NCOR1: variants seen among roughly 807,000 people sequenced by gnomAD.
The protein encoded by NCOR1 is protein phosphatase 1, regulatory subunit 109.
Under a neutral mutation model 288.1 loss-of-function variants are expected in NCOR1, and 63 were observed. The observed-to-expected ratio is 0.22, with a 90% confidence interval of 0.18 to 0.27. The LOEUF is 0.27. NCOR1 is among the 10% of genes least tolerant of loss of function. NCOR1 has a pLI of 1.00. For synonymous variants in NCOR1, 1,007 were observed against 1,065.9 expected (o/e 0.94, Z 1.08); for missense variants, 2,397 against 3,019.2 (o/e 0.79, Z 4.83).
intron 2 of NCOR1, 81 bp from the exon 3 acceptor site, chr17:16,186,768 T>A: frequency 8.0e-7 from 1 of 1,251,728 alleles, no homozygotes; most frequent in Non-Finnish European, 1.1e-6. Context: ...TAAAGGTAGT[T>A]ATGGGCCACT....
At chr17:16,144,660 T>C (rs902002589) in intron 10 of NCOR1, among the ~76,000 whole-genome samples, 1 of 152,120 alleles carries the variant, frequency 6.6e-6, no homozygotes. Flanking sequence ...GTCCACAACA[T>C]AAAAATTCTT....
intron 40 of NCOR1, among the ~76,000 whole-genome samples, chr17:16,050,285 C>G (rs951877567): frequency 6.6e-6 from 1 of 151,520 alleles, no homozygotes; most frequent in Admixed American, 6.6e-5. Context: ...TGCAGTAGCA[C>G]GATCTTGGCT....
intron 3 of NCOR1, among the ~76,000 whole-genome samples, chr17:16,179,575 TC>T (rs1029456333): frequency 3.5e-4 from 53 of 152,142 alleles, no homozygotes; most frequent in African/African-American, 1.2e-3. Flanking sequence ...CCTAAACTCT[TC>T]CAAAAAATAG....
chr17:16,048,957 C>T lies in NCOR1; in HGVS notation c.6424G>A (p.Val2142Ile), dbSNP rs150237987. The change falls in exon 41 of 46, where the codon GTC (valine) becomes ATC (isoleucine). Residue 2142 changes from valine to isoleucine, a missense_variant. Physicochemically the swap from Val to Ile is conservative, Grantham distance 29 (BLOSUM62 3). Around this residue, in one of 11 missense-constraint regions of NCOR1, gnomAD observed 1,872 missense variants for 2,187.8 expected, o/e 0.86. Transcript: ENST00000268712. The part of the protein sequence containing the change: ...RPGKSPERSH[V>I]SSEPYEPISP... ...ATGGGCTCGTAGGGCTCCGAAGAGA[C>T]GTGACTCCTCTCTGGGGATTTTCCA... 7.4e-6 allele frequency: 12 copies of T among 1,611,564 alleles called. No homozygotes were observed. Among genetic ancestry groups the T allele is most frequent in the Non-Finnish European group, 1.0e-5 (12 of 1,178,464 alleles).
At chr17:16,078,238 G>A (rs2152800529) in intron 26 of NCOR1, among the ~76,000 whole-genome samples, 1 of 152,308 alleles carries the variant, frequency 6.6e-6, no homozygotes, top group Non-Finnish European at 1.5e-5. Flanking sequence ...ACTATACTCT[G>A]AGGACTGCTA....
At chr17:16,166,739 T>C (rs2082090722) in intron 4 of NCOR1, among the ~76,000 whole-genome samples, 1 of 150,620 alleles carries the variant, frequency 6.6e-6, no homozygotes, top group South Asian at 2.1e-4. Flanking sequence ...CCTTTTTTTC[T>C]CCCCCTCCCT....
chr17:16,125,693 C>T (rs546620513), intron 15 of NCOR1, among the ~76,000 whole-genome samples: 3 of 116,832 alleles, frequency 2.6e-5, no homozygotes, highest in Admixed American at 9.5e-5. Flanking sequence ...CAGAGCGAGA[C>T]GCCATCACAA....
intron 14 of NCOR1, among the ~76,000 whole-genome samples, chr17:16,135,937 A>AT (rs2153232912): frequency 6.6e-6 from 1 of 152,308 alleles, no homozygotes; most frequent in African/African-American, 2.4e-5. Flanking sequence ...ATGCTAATGA[A>AT]TCGTTGCAGT....
Position 16,080,464 on chromosome 17 carries a change from T to C in NCOR1, c.3344A>G (p.Gln1115Arg). 1 of 1,614,236 alleles carries C rather than the reference T, an allele frequency of 6.2e-7. No homozygotes were observed. The highest frequency in any genetic ancestry group is 8.5e-7 in the Non-Finnish European group (1 of 1,180,040). ...CAACAGACCCTCAGGTTGTGAGTTTTGGCTTCGGGGAGAAAATTCTTCCTG... is the reference window on the plus strand; with the variant it reads ...CAACAGACCCTCAGGTTGTGAGTTTCGGCTTCGGGGAGAAAATTCTTCCTG... ...IKQEEFSPRS[Q>R]NSQPEGLLVR... is the part of the protein sequence containing the mutation. Residue 1115 changes from glutamine (Q) to arginine (R), a missense_variant, in exon 25 of 46, where the codon CAA becomes CGA. Physicochemically the swap from Gln to Arg is conservative, Grantham distance 43. Coordinates refer to ENST00000268712, the MANE Select transcript of NCOR1 (RefSeq NM_006311.4).
Position 16,139,072 on chromosome 17 carries a change from C to T in NCOR1, c.1288G>A (p.Val430Met). The T allele has an allele frequency of 6.2e-7, 1 of 1,611,516 alleles. No individual in the cohort carries two copies. The highest frequency in any genetic ancestry group is 1.1e-5 in the South Asian group (1 of 90,748). Reference sequence around the variant, plus strand: ...TTCATAAACTGCCTATCTTTATACACTTTCATAGGGTCCTCCATAAGCCCA... The same window carrying T: ...TTCATAAACTGCCTATCTTTATACATTTTCATAGGGTCCTCCATAAGCCCA... ...MNGLMEDPMK[V>M]YKDRQFMNVW... The change falls in exon 12 of 46, where the codon GTG (valine) becomes ATG (methionine). Residue 430 changes from valine to methionine, a missense_variant. This residue lies in a region of NCOR1 where 80 missense variants were observed against 100.3 expected (regional missense o/e 0.80). Transcript: ENST00000268712.
intron 14 of NCOR1, among the ~76,000 whole-genome samples, chr17:16,127,268 T>A (rs1377495866): frequency 9.6e-6 from 1 of 104,700 alleles, no homozygotes; most frequent in Admixed American, 9.5e-5. Flanking sequence ...TGTGTATATA[T>A]GTATGTATAT....
chr17:16,065,828 G>C, intron 32 of NCOR1, 134 bp from the exon 33 acceptor site: 1 of 707,976 alleles, frequency 1.4e-6, no homozygotes, highest in Non-Finnish European at 2.4e-6. Context: ...TAGCTACAAG[G>C]ATTAAGGTGG....
chr17:16,063,755 C>G (rs2060801607), intron 35 of NCOR1, among the ~76,000 whole-genome samples: 1 of 152,192 alleles, frequency 6.6e-6, no homozygotes, highest in African/African-American at 2.4e-5. Context: ...ACCTTTATAT[C>G]TAGGAGTTTT....
intron 26 of NCOR1, among the ~76,000 whole-genome samples, chr17:16,077,871 A>C (rs1211408080): frequency 3.3e-5 from 5 of 152,328 alleles, no homozygotes; most frequent in South Asian, 4.1e-4. Context: ...TAATAAAAAT[A>C]AGATGATAAA....
chr17:16,136,858 C>A (rs963848242), intron 14 of NCOR1, among the ~76,000 whole-genome samples: 15 of 150,208 alleles, frequency 1.0e-4, no homozygotes, highest in African/African-American at 3.4e-4. Flanking sequence ...ATCTGAACTC[C>A]ACAAATGAAG....
Position 16,065,640 on chromosome 17 carries a change from C to T in NCOR1, c.4796G>A (p.Ser1599Asn). 1.2e-6 allele frequency: 2 copies of T among 1,614,206 alleles called. No individual in the cohort carries two copies. Among genetic ancestry groups the T allele is most frequent in the Non-Finnish European group, 1.7e-6 (2 of 1,180,048 alleles). The change falls in exon 33 of 46, where the codon AGT (serine) becomes AAT (asparagine). Residue 1599 changes from serine (S) to asparagine (N), a missense_variant. By Grantham distance (46) the Ser-to-Asn change is conservative. Around this residue, in one of 11 missense-constraint regions of NCOR1, gnomAD observed 1,872 missense variants for 2,187.8 expected, o/e 0.86. Coordinates refer to ENST00000268712, the MANE Select transcript of NCOR1 (RefSeq NM_006311.4). ...CTCCATTGCGTAAAGCTGATACTGACTTGGGTAACCTGGAGTTGGTGAAAG... is the reference window on the plus strand; with the variant it reads ...CTCCATTGCGTAAAGCTGATACTGATTTGGGTAACCTGGAGTTGGTGAAAG... Reference protein sequence around the residue: ...RQLSPTPGYPSQYQLYAMENT... With the variant: ...RQLSPTPGYPNQYQLYAMENT...
intron 1 of NCOR1, among the ~76,000 whole-genome samples, chr17:16,214,964 G>A (rs1196516037): frequency 1.3e-5 from 2 of 152,182 alleles, no homozygotes; most frequent in African/African-American, 4.8e-5. Flanking sequence ...TTCCAAGTCG[G>A]CCACCAACTC....
chr17:16,152,142 A>T (rs1240573134), intron 7 of NCOR1, 144 bp from the exon 8 acceptor site: 2 of 512,844 alleles, frequency 3.9e-6, no homozygotes, highest in Admixed American at 3.9e-5. Flanking sequence ...CCAAACTTTT[A>T]TTTTTTTATT....
At chr17:16,110,271 G>A (rs534736843) in intron 18 of NCOR1, among the ~76,000 whole-genome samples, 11 of 151,868 alleles carry the variant, frequency 7.2e-5, no homozygotes, top group African/African-American at 2.2e-4. Flanking sequence ...CAGGGAGATC[G>A]CTTGAGCCCA....
Sources: allele counts gnomAD v4.1 joint callset (sites outside exome capture counted in the v4.1 genomes callset), GRCh38; gene constraint gnomAD v4.1.1; regional missense constraint gnomAD v4.1.1; transcripts MANE v1.5; gene names NCBI Gene and HGNC (gene_info 2026-07-23, HGNC 2026-07-21).